The following DMXL2 variants were observed in gnomAD, a reference collection of about 807,000 sequenced individuals.
DMXL2 encodes the protein Dmx like 2, also known as dmX-like protein 2.
A neutral mutation model predicts 331.1 loss-of-function variants in DMXL2; 103 were observed. The observed-to-expected ratio is 0.31, with a 90% CI of 0.27 to 0.37. The LOEUF is 0.37. DMXL2 is among the 10% of genes least tolerant of loss of function. The probability of loss-of-function intolerance (pLI) is 1.00; values close to 1 mark genes in which losing one functional copy is unlikely to be tolerated. For missense variants in DMXL2, 3,171 were observed against 3,642.9 expected, an observed-to-expected ratio of 0.87 and a Z score of 3.33; for synonymous variants, 1,281 against 1,252.1, an observed-to-expected ratio of 1.02 and a Z score of -0.49.
chr15:51,568,596 G>C (rs750994330), intron 2 of DMXL2, 38 bp from the exon 3 acceptor site: 41 of 1,330,696 alleles, frequency 3.1e-5, no homozygotes, highest in Non-Finnish European at 2.1e-6. Flanking sequence ...ATCTAGAAAA[G>C]GGTAAAATAA....
chr15:51,463,185 T>C (rs1433705779), intron 33 of DMXL2, 194 bp downstream of exon 33: 1 of 425,432 alleles, frequency 2.4e-6, no homozygotes, highest in East Asian at 4.9e-5. Context: ...TTTATCAAAG[T>C]ACCTATGTTG....
chr15:51,573,913 CTA>C (rs2050842790), intron 2 of DMXL2, among the ~76,000 whole-genome samples: 1 of 151,754 alleles, frequency 6.6e-6, no homozygotes, highest in Non-Finnish European at 1.5e-5. Flanking sequence ...TATAAAATAA[CTA>C]TTAAAAAATA....
chr15:51,585,805 A>G (rs2051775359), intron 1 of DMXL2, among the ~76,000 whole-genome samples: 1 of 152,198 alleles, frequency 6.6e-6, no homozygotes. Flanking sequence ...TCACATATTT[A>G]TCAGCCATTT....
intron 23 of DMXL2, among the ~76,000 whole-genome samples, chr15:51,483,293 T>C (rs985750945): frequency 6.6e-6 from 1 of 152,184 alleles, no homozygotes; most frequent in African/African-American, 2.4e-5. Context: ...ACCTCTGGCA[T>C]GCGCACTGCT....
intron 13 of DMXL2, among the ~76,000 whole-genome samples, chr15:51,527,834 TAGAA>T (rs1173619653): frequency 3.3e-5 from 5 of 152,114 alleles, no homozygotes; most frequent in African/African-American, 1.2e-4. Flanking sequence ...TGATCTTAAG[TAGAA>T]AGACTAAATG....
intron 1 of DMXL2, among the ~76,000 whole-genome samples, chr15:51,605,578 C>T (rs2053532380): frequency 2.9e-5 from 1 of 34,094 alleles, no homozygotes; most frequent in Admixed American, 4.2e-4. Context: ...GCTCTGTCGC[C>T]CAGGCCGGAC....
At chr15:51,562,006 T>C (rs1439004336) in intron 6 of DMXL2, among the ~76,000 whole-genome samples, 1 of 152,214 alleles carries the variant, frequency 6.6e-6, no homozygotes, top group East Asian at 1.9e-4. Context: ...ATTGGTTAAT[T>C]GGTACAAATA....
At chr15:51,537,451 T>C (rs1191294749) in intron 11 of DMXL2, 37 bp downstream of exon 11, 3 of 1,535,698 alleles carry the variant, frequency 2.0e-6, no homozygotes, top group Non-Finnish European at 2.6e-6. Context: ...TTTACTATTT[T>C]AAGAAATGTA....
intron 7 of DMXL2, among the ~76,000 whole-genome samples, chr15:51,546,324 T>C (rs2048888263): frequency 6.6e-6 from 1 of 152,112 alleles, no homozygotes; most frequent in South Asian, 2.1e-4. Flanking sequence ...AAAAAAATCA[T>C]TCTCCCTTTA....
At position 51,542,479 on chromosome 15, in the gene DMXL2, T is replaced by C. The variant is rs751503742; in HGVS notation, c.959A>G (p.Lys320Arg). 11 of 1,613,220 alleles carry C rather than the reference T, an allele frequency of 6.8e-6. 1 individual carries two copies. The highest frequency in any genetic ancestry group is 3.3e-5 in the South Asian group (3 of 90,966). Residue 320 changes from lysine (K) to arginine (R), a missense_variant, in exon 9 of 44, where the codon AAA becomes AGA. Transcript: ENST00000560891. The part of the protein sequence containing the change: ...ETIHHLKNLR[K>R]GQRRSSVLVT... ...AAGAACAGATGACCTCCTCTGTCCT[T>C]TCCTTAAATTTTTCAAATGGTGTAT...
At chr15:51,517,004 A>C (rs2047072713) in intron 14 of DMXL2, 74 bp downstream of exon 14, 2 of 1,123,158 alleles carry the variant, frequency 1.8e-6, no homozygotes, top group Admixed American at 3.8e-5. Context: ...TCTGAGAATG[A>C]CATATATCAT....
intron 18 of DMXL2, 89 bp from the exon 19 acceptor site, chr15:51,495,223 C>A: frequency 2.8e-6 from 2 of 721,710 alleles, no homozygotes; most frequent in South Asian, 1.9e-5. Flanking sequence ...TAAACTTAGT[C>A]ATAATTTATA....
At chr15:51,469,775 C>T (rs568755427) in intron 29 of DMXL2, among the ~76,000 whole-genome samples, 85 of 152,224 alleles carry the variant, frequency 5.6e-4, no homozygotes, top group African/African-American at 2.0e-3. Flanking sequence ...TGGGAACTGC[C>T]TATACATTTT....
At chr15:51,519,533 G>A (rs1174970392) in intron 13 of DMXL2, among the ~76,000 whole-genome samples, 1 of 151,570 alleles carries the variant, frequency 6.6e-6, no homozygotes, top group East Asian at 1.9e-4. Context: ...ACCAGAAATT[G>A]GACTAATTAT....
rs1032363016 is a variant in DMXL2, at chr15:51,622,732, ACCG to A, written c.-190_-188del. ...TCGTCCCTGCCATGGGAGCTCCTCG[ACCG>A]CCGCCGCCGCCCGGGTCGCCGCTCA... On this transcript the variant is annotated 5_prime_UTR_variant, in exon 1 of 44. Coordinates refer to ENST00000560891, the MANE Select transcript of DMXL2 (RefSeq NM_001378457.1). 1.2e-4 allele frequency: 145 copies of A among 1,168,552 alleles called. No individual in the cohort carries two copies. The highest frequency in any genetic ancestry group is 1.5e-4 in the East Asian group (5 of 34,010). The allele number at this position is 1,168,552 out of a possible 1,614,324, so 72.4% of individuals were successfully genotyped here.
chr15:51,595,946 A>G (rs1034267782), intron 1 of DMXL2, among the ~76,000 whole-genome samples: 1 of 152,352 alleles, frequency 6.6e-6, no homozygotes, highest in East Asian at 1.9e-4. Context: ...CTTAAATGTT[A>G]GACCTAAAAC....
intron 43 of DMXL2, among the ~76,000 whole-genome samples, chr15:51,449,437 T>C (rs1293145985): frequency 6.6e-6 from 1 of 152,216 alleles, no homozygotes; most frequent in Non-Finnish European, 1.5e-5. Flanking sequence ...GTAGCCCATC[T>C]CTAATTCAAT....
At chr15:51,528,044 T>C (rs886903774) in intron 13 of DMXL2, among the ~76,000 whole-genome samples, 2 of 151,492 alleles carry the variant, frequency 1.3e-5, no homozygotes, top group African/African-American at 4.8e-5. Context: ...AAGGTAATAT[T>C]TGCAAGCTTC....
intron 29 of DMXL2, among the ~76,000 whole-genome samples, chr15:51,469,864 G>A (rs557525590): frequency 6.6e-6 from 1 of 152,284 alleles, no homozygotes; most frequent in Admixed American, 6.5e-5. Context: ...TAAGGGATAG[G>A]CCAGAATGAC....
Sources: gnomAD v4.1 joint callset for allele counts (sites outside exome capture counted in the v4.1 genomes callset) on GRCh38, gnomAD v4.1.1 for gene constraint, MANE v1.5 for transcripts, NCBI Gene and HGNC (gene_info 2026-07-23, HGNC 2026-07-21) for gene names.